Variants in AMOT observed in about 807,000 individuals in gnomAD.
AMOT encodes angiomotin.
A neutral mutation model predicts 67.0 loss-of-function variants in AMOT; 11 were observed. That is an observed-to-expected ratio of 0.16 (90% CI 0.10 to 0.27). The LOEUF is 0.27. Ranked by LOEUF, AMOT falls within the 10% of genes least tolerant of loss-of-function variation. The pLI is 1.00. For synonymous variants in AMOT, 326 were observed against 321.4 expected, an observed-to-expected ratio of 1.01 and a Z score of -0.15; for missense variants, 753 against 852.0, an observed-to-expected ratio of 0.88 and a Z score of 1.45.
intron 10 of AMOT, among the ~76,000 whole-genome samples, chrX:112,790,275 T>C (rs1441520259): frequency 9.2e-6 from 1 of 109,111 alleles, no homozygotes; most frequent in East Asian, 2.9e-4. Context: ...ACAACCTGCA[T>C]ATGTGGCTGA....
At chrX:112,811,561 C>T (rs1279784005) in intron 5 of AMOT, among the ~76,000 whole-genome samples, 168 bp from the exon 6 acceptor site, 1 of 111,237 alleles carries the variant, frequency 9.0e-6, no homozygotes, top group African/African-American at 3.3e-5. Flanking sequence ...AGGATCTCCA[C>T]CTTCAACCAT....
At chrX:112,803,431 A>C (rs1365440113) in intron 8 of AMOT, among the ~76,000 whole-genome samples, 3 of 112,456 alleles carry the variant, frequency 2.7e-5, no homozygotes, top group Non-Finnish European at 5.6e-5. Context: ...GGGGTGTAGC[A>C]AAAGGATGCA....
chrX:112,787,189 A>G (rs976597943), intron 10 of AMOT, among the ~76,000 whole-genome samples: 1 of 112,231 alleles, frequency 8.9e-6, no homozygotes, highest in Non-Finnish European at 1.9e-5. Flanking sequence ...GGGTATAAAT[A>G]GACCACCTAA....
intron 8 of AMOT, among the ~76,000 whole-genome samples, chrX:112,792,305 C>T (rs1933640011): frequency 8.9e-6 from 1 of 112,510 alleles, no homozygotes; most frequent in South Asian, 3.7e-4. Flanking sequence ...TATGCACATC[C>T]TTATCTCTGG....
chrX:112,819,528 C>T (rs945181937), intron 4 of AMOT: 2 of 329,899 alleles, frequency 6.1e-6, no homozygotes, highest in Admixed American at 9.1e-5. Context: ...AAGGAGGTGG[C>T]TGCTTTATAA....
rs953991516 is a variant in AMOT at position 112,836,845 on chromosome X, A to G, written c.-289+3607T>C. Among the ~76,000 whole-genome samples, 12 of 107,283 alleles carry G rather than the reference A, an allele frequency of 1.1e-4. No individual in the cohort carries two copies. In the East Asian group the frequency reaches 2.3e-3, roughly 21 times the overall value. The allele number at this position is 107,283 out of a possible 115,157, so 93.2% of individuals were successfully genotyped here. A position where few individuals can be genotyped will look rare whatever the true frequency, so the allele number is the denominator to read the frequency against. ...GGCCTAGAAAGAAAACCATAAACGT[A>G]TAAGAACTGGCTCTCAAAATTACCC... On this transcript the variant is annotated intron_variant, in intron 1 of 13. Coordinates refer to ENST00000371959, the MANE Select transcript of AMOT (RefSeq NM_001113490.2).
At chrX:112,798,774 G>C (rs963839921) in intron 8 of AMOT, among the ~76,000 whole-genome samples, 1 of 112,059 alleles carries the variant, frequency 8.9e-6, no homozygotes, top group African/African-American at 3.2e-5. Context: ...ATAAAATTGA[G>C]AGGAAGAACA....
At chrX:112,836,707 A>C (rs748268821) in intron 1 of AMOT, among the ~76,000 whole-genome samples, 4 of 109,852 alleles carry the variant, frequency 3.6e-5, no homozygotes, top group African/African-American at 1.3e-4. Flanking sequence ...ATCTATATTC[A>C]TATATCCTTA....
intron 1 of AMOT, among the ~76,000 whole-genome samples, chrX:112,835,746 G>A (rs1420048563): frequency 9.0e-6 from 1 of 111,218 alleles, no homozygotes; most frequent in Non-Finnish European, 1.9e-5. Context: ...ACCATACCCA[G>A]GTAATTCTGT....
rs1932948567 is a variant in AMOT at position 112,776,698 on chromosome X, A to AG, written c.*1868dup. ...TAGAAAGAAGTGGGATTGGTTTCTC[A>AG]GGGGGACATTTATGTGACTCTATGT... On this transcript the variant is annotated 3_prime_UTR_variant, in exon 14 of 14. Transcript: ENST00000371959. 9.0e-6 allele frequency: 1 copy of AG among 111,627 alleles called. No homozygotes were observed. The highest frequency in any genetic ancestry group is 3.3e-5 in the African/African-American group (1 of 30,562). The allele number at this position is 111,627 out of a possible 1,213,427, so 9.2% of individuals were successfully genotyped here. A position where few individuals can be genotyped will look rare whatever the true frequency, so the allele number is the denominator to read the frequency against.
chrX:112,839,722 C>T lies in AMOT; in HGVS notation c.-289+730G>A, dbSNP rs146266914. The stretch of plus-strand genomic sequence containing the variant: ...AGTCTATTAAAGACTGTTATTTTCC[C>T]TCCCCCTTTTCTTTCTCTTCATTTT... On this transcript the variant is annotated intron_variant, in intron 1 of 13. Coordinates refer to ENST00000371959, the MANE Select transcript of AMOT (RefSeq NM_001113490.2). Among the ~76,000 whole-genome samples the T allele has an allele frequency of 5.7e-3, 635 of 111,025 alleles. 11 individuals are homozygous for T. Among genetic ancestry groups the T allele is most frequent in the African/African-American group, 0.02 (610 of 30,491 alleles).
Position 112,779,410 on chromosome X carries a change from A to ACAGCAACTGGAGCAGCAG in AMOT, c.2726_2743dup (p.Ala909_Ala914dup), listed in dbSNP as rs763364987. The ACAGCAACTGGAGCAGCAG allele has an allele frequency of 1.6e-5, 17 of 1,093,254 alleles. No individual in the cohort carries two copies. Among genetic ancestry groups the ACAGCAACTGGAGCAGCAG allele is most frequent in the Non-Finnish European group, 2.1e-5 (17 of 802,762 alleles). 90.1% of individuals were successfully genotyped at this position (1,093,254 alleles called of 1,213,427 possible). A position where few individuals can be genotyped will look rare whatever the true frequency, so the allele number is the denominator to read the frequency against. ...AGCAGCTGGAGCAGCAGCAGCAGCA[A>ACAGCAACTGGAGCAGCAG]CAGCAACTGGAGCAGCAGCTACCAT... On this transcript the variant is annotated inframe_insertion, in exon 13 of 14. Coordinates refer to ENST00000371959, the MANE Select transcript of AMOT (RefSeq NM_001113490.2).
At chrX:112,803,435 G>C (rs1336423139) in intron 8 of AMOT, among the ~76,000 whole-genome samples, 1 of 112,275 alleles carries the variant, frequency 8.9e-6, no homozygotes, top group African/African-American at 3.2e-5. Flanking sequence ...TGTAGCAAAA[G>C]GATGCAATAA....
intron 4 of AMOT, among the ~76,000 whole-genome samples, chrX:112,821,039 A>AG (rs1934701606): frequency 9.6e-6 from 1 of 104,238 alleles, no homozygotes; most frequent in African/African-American, 3.7e-5. Flanking sequence ...CAGGACCTGC[A>AG]GGGGAAAAAA....
rs1231821800 is a variant in AMOT, at chrX:112,810,043, T to C, written c.1538-57A>G. On this transcript the variant is annotated intron_variant, in intron 6 of 13. Transcript: ENST00000371959. ...CAAATGTAAACTTTCATGCACATACTATTGGCCCTCTAAATACTGACCTTT... is the reference window on the plus strand; with the variant it reads ...CAAATGTAAACTTTCATGCACATACCATTGGCCCTCTAAATACTGACCTTT... The C allele has an allele frequency of 5.1e-6, 5 of 971,632 alleles. No individual in the cohort carries two copies. In the African/African-American group the frequency reaches 9.5e-5, roughly 19 times the overall value. 80.1% of individuals were successfully genotyped at this position (971,632 alleles called of 1,213,427 possible). A position where few individuals can be genotyped will look rare whatever the true frequency, so the allele number is the denominator to read the frequency against.
chrX:112,806,039 G>A (rs997311910), intron 7 of AMOT, among the ~76,000 whole-genome samples: 4 of 110,525 alleles, frequency 3.6e-5, no homozygotes, highest in African/African-American at 9.9e-5. Flanking sequence ...AGGCTGCGGT[G>A]GGCGGATCAC....
intron 8 of AMOT, among the ~76,000 whole-genome samples, chrX:112,792,947 AAGATCTC>A (rs1431717315): frequency 9.0e-6 from 1 of 110,515 alleles, no homozygotes; most frequent in Non-Finnish European, 1.9e-5. Flanking sequence ...AATAATGAGA[AAGATCTC>A]AGAGCTCTTT....
intron 10 of AMOT, among the ~76,000 whole-genome samples, chrX:112,785,001 C>A (rs1482860595): frequency 8.9e-6 from 1 of 111,814 alleles, no homozygotes; most frequent in Non-Finnish European, 1.9e-5. Context: ...TGAATTCCGA[C>A]AGGGCTGCCA....
intron 2 of AMOT, among the ~76,000 whole-genome samples, chrX:112,828,728 TG>T (rs1327946606): frequency 9.0e-6 from 1 of 111,406 alleles, no homozygotes; most frequent in Non-Finnish European, 1.9e-5. Flanking sequence ...AGGACCAAAA[TG>T]AAAGTTTTTA....
Sources: allele counts gnomAD v4.1 joint callset (sites outside exome capture counted in the v4.1 genomes callset), GRCh38; gene constraint gnomAD v4.1.1; transcripts MANE v1.5; gene names NCBI Gene and HGNC (gene_info 2026-07-23, HGNC 2026-07-21).